The following HS6ST3 variants were observed in gnomAD, a reference collection of about 807,000 sequenced individuals.
HS6ST3 encodes heparan sulfate 6-O-sulfotransferase 3.
Under a neutral mutation model 36.7 loss-of-function variants are expected in HS6ST3, and 12 were observed. That is an observed-to-expected ratio of 0.33 (90% CI 0.21 to 0.53). The LOEUF (loss-of-function observed/expected upper bound fraction) is 0.53, where lower values mean the gene tolerates loss of function less well. Among genes scored for constraint, HS6ST3 ranks in the 20% least tolerant of loss-of-function variants. The pLI is 0.95. For missense variants in HS6ST3, 584 were observed against 640.9 expected, an observed-to-expected ratio of 0.91 and a Z score of 0.96; for synonymous variants, 240 against 257.5, an observed-to-expected ratio of 0.93 and a Z score of 0.65.
intron 1 of HS6ST3, among the ~76,000 whole-genome samples, chr13:96,628,829 G>A (rs930068202): frequency 6.7e-6 from 1 of 150,348 alleles, no homozygotes; most frequent in African/African-American, 2.4e-5. Flanking sequence ...GTGTGTGCAT[G>A]TGTGTGTGTG....
intron 1 of HS6ST3, among the ~76,000 whole-genome samples, chr13:96,542,032 T>C (rs531384517): frequency 2.6e-5 from 4 of 152,330 alleles, no homozygotes; most frequent in African/African-American, 7.2e-5. Context: ...TTTTACCTCC[T>C]GTGTATTAGT....
intron 1 of HS6ST3, among the ~76,000 whole-genome samples, chr13:96,178,728 C>G (rs567953591): frequency 1.3e-5 from 2 of 152,062 alleles, no homozygotes; most frequent in African/African-American, 2.4e-5. Context: ...ATGGCTTTGT[C>G]CTTGCTCTTT....
intron 1 of HS6ST3, among the ~76,000 whole-genome samples, chr13:96,713,659 G>A (rs1875622567): frequency 6.6e-6 from 1 of 152,040 alleles, no homozygotes; most frequent in Admixed American, 6.6e-5. Flanking sequence ...GCTTTGAGTA[G>A]GGCTTTGGTA....
At chr13:96,811,761 T>A (rs545676728) in intron 1 of HS6ST3, among the ~76,000 whole-genome samples, 2 of 152,322 alleles carry the variant, frequency 1.3e-5, no homozygotes, top group South Asian at 4.1e-4. Flanking sequence ...TTGTTTAATA[T>A]GTGAAGAACA....
intron 1 of HS6ST3, among the ~76,000 whole-genome samples, chr13:96,370,472 C>T (rs889597458): frequency 1.3e-5 from 2 of 152,064 alleles, no homozygotes; most frequent in Non-Finnish European, 2.9e-5. Flanking sequence ...AATATGGAAA[C>T]CCATCAACAC....
At chr13:96,623,748 T>G (rs2056503050) in intron 1 of HS6ST3, among the ~76,000 whole-genome samples, 1 of 152,120 alleles carries the variant, frequency 6.6e-6, no homozygotes, top group Non-Finnish European at 1.5e-5. Flanking sequence ...CCTTCCCCAG[T>G]GGTATACAGG....
At chr13:96,116,253 A>G (rs1288508464) in intron 1 of HS6ST3, among the ~76,000 whole-genome samples, 4 of 152,094 alleles carry the variant, frequency 2.6e-5, no homozygotes, top group African/African-American at 9.7e-5. Context: ...TACTACCTGA[A>G]TTGCTACTCA....
At chr13:96,541,918 A>C (rs1272156517) in intron 1 of HS6ST3, among the ~76,000 whole-genome samples, 1 of 152,180 alleles carries the variant, frequency 6.6e-6, no homozygotes, top group East Asian at 1.9e-4. Flanking sequence ...TGCTTTTCTT[A>C]TGTCACTTGA....
chr13:96,698,187 C>T (rs1195877478), intron 1 of HS6ST3, among the ~76,000 whole-genome samples: 1 of 151,968 alleles, frequency 6.6e-6, no homozygotes, highest in Non-Finnish European at 1.5e-5. Context: ...CAATGCTGTC[C>T]CTCCCTGCTC....
At chr13:96,206,177 C>T (rs1315647077) in intron 1 of HS6ST3, among the ~76,000 whole-genome samples, 1 of 152,112 alleles carries the variant, frequency 6.6e-6, no homozygotes, top group Non-Finnish European at 1.5e-5. Context: ...AACAGGCAAG[C>T]AGGGAGCCAA....
intron 1 of HS6ST3, among the ~76,000 whole-genome samples, chr13:96,465,634 C>A (rs959591958): frequency 6.6e-6 from 1 of 152,032 alleles, no homozygotes; most frequent in African/African-American, 2.4e-5. Flanking sequence ...AAAAATATGG[C>A]GTGATCGTGG....
At chr13:96,710,811 A>G (rs1875544186) in intron 1 of HS6ST3, among the ~76,000 whole-genome samples, 1 of 152,358 alleles carries the variant, frequency 6.6e-6, no homozygotes, top group South Asian at 2.1e-4. Flanking sequence ...TTCTGTGAGC[A>G]GAGAGGTGAG....
At chr13:96,730,699 C>A (rs897374626) in intron 1 of HS6ST3, among the ~76,000 whole-genome samples, 1 of 151,500 alleles carries the variant, frequency 6.6e-6, no homozygotes, top group African/African-American at 2.4e-5. Context: ...TCCCAAGTAG[C>A]TAGGACCACA....
At chr13:96,357,840 G>C (rs1441163507) in intron 1 of HS6ST3, among the ~76,000 whole-genome samples, 4 of 152,118 alleles carry the variant, frequency 2.6e-5, no homozygotes, top group African/African-American at 7.2e-5. Context: ...CATCTCACGT[G>C]GGCTTGGTTG....
At chr13:96,615,518 G>C (rs2056471100) in intron 1 of HS6ST3, among the ~76,000 whole-genome samples, 1 of 152,182 alleles carries the variant, frequency 6.6e-6, no homozygotes, top group African/African-American at 2.4e-5. Context: ...TCTGGATGTA[G>C]ACCCTGTATA....
At chr13:96,695,487 G>A (rs986605081) in intron 1 of HS6ST3, among the ~76,000 whole-genome samples, 9 of 152,074 alleles carry the variant, frequency 5.9e-5, no homozygotes, top group African/African-American at 2.2e-4. Context: ...GAGTGCAGTG[G>A]CATAATCATG....
chr13:96,831,975 A>AAAAAAAAAAAAAAAAAC (rs1566464310), intron 1 of HS6ST3, among the ~76,000 whole-genome samples: 3 of 148,534 alleles, frequency 2.0e-5, no homozygotes, highest in African/African-American at 7.6e-5. Context: ...AAAAAAAAAA[A>AAAAAAAAAAAAAAAAAC]AAAAACAGAG....
intron 1 of HS6ST3, among the ~76,000 whole-genome samples, chr13:96,765,588 T>TTCTCTC (rs58979172): frequency 0.022 from 3,167 of 142,628 alleles, 41 homozygotes; most frequent in Middle Eastern, 0.054. Flanking sequence ...CTCTCTCTCT[T>TTCTCTC]TCTCTCTCTC....
At chr13:96,183,784 G>A (rs1418646365) in intron 1 of HS6ST3, among the ~76,000 whole-genome samples, 1 of 152,182 alleles carries the variant, frequency 6.6e-6, no homozygotes, top group Non-Finnish European at 1.5e-5. Context: ...AGAATGGGGA[G>A]TTAGTGTTTA....
Sources: allele counts gnomAD v4.1 joint callset (sites outside exome capture counted in the v4.1 genomes callset), GRCh38; gene constraint gnomAD v4.1.1; transcripts MANE v1.5; gene names NCBI Gene and HGNC (gene_info 2026-07-23, HGNC 2026-07-21).